ASTN2: variants seen among roughly 807,000 people sequenced by gnomAD.
The protein encoded by ASTN2 is astrotactin 2, also known as astrotactin-2.
A neutral mutation model predicts 139.8 loss-of-function variants in ASTN2; 54 were observed. The ratio of observed to expected loss-of-function variants is 0.39; its 90% CI spans 0.31 to 0.48. ASTN2 has a LOEUF of 0.48. Among genes scored for constraint, ASTN2 ranks in the 20% least tolerant of loss-of-function variants. ASTN2 has a pLI of 0.95. For missense variants in ASTN2, 1,565 were observed against 1,725.1 expected, an observed-to-expected ratio of 0.91 and a Z score of 1.64; for synonymous variants, 756 against 719.5, an observed-to-expected ratio of 1.05 and a Z score of -0.81.
chr9:116,426,201 T>C, intron 22 of ASTN2, 113 bp from the exon 23 acceptor site: 3 of 1,346,754 alleles, frequency 2.2e-6, no homozygotes, highest in Non-Finnish European at 3.1e-6. Flanking sequence ...ATTTCCTATC[T>C]ACTCCAGATT....
chr9:117,054,596 G>A (rs973063307), intron 5 of ASTN2, among the ~76,000 whole-genome samples: 3 of 152,218 alleles, frequency 2.0e-5, no homozygotes, highest in Non-Finnish European at 4.4e-5. Context: ...CTTGTAATGT[G>A]TGTAAGAGTT....
At chr9:117,335,112 A>C (rs766228818) in intron 1 of ASTN2, among the ~76,000 whole-genome samples, 19 of 152,108 alleles carry the variant, frequency 1.2e-4, no homozygotes, top group Non-Finnish European at 2.6e-4. Flanking sequence ...TTGCACCCCC[A>C]GGGGCTCACT....
intron 6 of ASTN2, among the ~76,000 whole-genome samples, chr9:117,009,187 T>A (rs887862891): frequency 6.6e-6 from 1 of 152,168 alleles, no homozygotes; most frequent in African/African-American, 2.4e-5. Context: ...AATATTAACA[T>A]TTTTATTATT....
intron 19 of ASTN2, among the ~76,000 whole-genome samples, chr9:116,572,879 A>G (rs2131693192): frequency 6.6e-6 from 1 of 152,248 alleles, no homozygotes; most frequent in African/African-American, 2.4e-5. Context: ...CACTCTTGTG[A>G]GAAGAAAGGG....
At chr9:116,515,927 C>T (rs1777338812) in intron 19 of ASTN2, among the ~76,000 whole-genome samples, 1 of 152,158 alleles carries the variant, frequency 6.6e-6, no homozygotes, top group Non-Finnish European at 1.5e-5. Context: ...TATGGGAACA[C>T]ACCACTAGAG....
intron 6 of ASTN2, among the ~76,000 whole-genome samples, chr9:117,024,134 C>T (rs1837980799): frequency 6.6e-6 from 1 of 152,160 alleles, no homozygotes; most frequent in Admixed American, 6.5e-5. Flanking sequence ...CCAAGCCCAA[C>T]TTACCCTTTT....
At chr9:117,004,836 G>A (rs1337332030) in intron 7 of ASTN2, among the ~76,000 whole-genome samples, 1 of 152,192 alleles carries the variant, frequency 6.6e-6, no homozygotes, top group East Asian at 1.9e-4. Flanking sequence ...GGCTTCACTT[G>A]TAACTTGCTT....
intron 22 of ASTN2, among the ~76,000 whole-genome samples, chr9:116,439,194 ATTTTTTTTTTTT>A (rs1016270368): frequency 7.1e-5 from 4 of 56,690 alleles, no homozygotes; most frequent in Admixed American, 5.9e-4. Flanking sequence ...ATTCAAATAC[ATTTTTTTTTTTT>A]TTTTTTTTTT....
chr9:117,270,339 C>T (rs1834034561), intron 2 of ASTN2, among the ~76,000 whole-genome samples: 1 of 152,164 alleles, frequency 6.6e-6, no homozygotes, highest in South Asian at 2.1e-4. Flanking sequence ...AATAGCTGCT[C>T]ATTTCTCCCT....
chr9:116,817,322 G>A (rs1036213657), intron 12 of ASTN2, among the ~76,000 whole-genome samples: 9 of 36,942 alleles, frequency 2.4e-4, no homozygotes, highest in African/African-American at 9.9e-4. Flanking sequence ...AAGAAAGAAT[G>A]GGTATTAATT....
chr9:116,710,507 GA>G (rs35596585), intron 16 of ASTN2, among the ~76,000 whole-genome samples: 53,158 of 150,982 alleles, frequency 0.35, 10,536 homozygotes, highest in African/African-American at 0.53. Flanking sequence ...AAGGAGGGGG[GA>G]ATCACCTGAG....
At chr9:116,868,544 G>C (rs531891732) in intron 10 of ASTN2, among the ~76,000 whole-genome samples, 1 of 152,174 alleles carries the variant, frequency 6.6e-6, no homozygotes, top group Non-Finnish European at 1.5e-5. Flanking sequence ...CTGATTCCTG[G>C]GCCATGCATG....
chr9:116,460,404 T>A (rs752411517), intron 20 of ASTN2, among the ~76,000 whole-genome samples: 2 of 152,188 alleles, frequency 1.3e-5, no homozygotes, highest in Non-Finnish European at 2.9e-5. Flanking sequence ...TTTCATGGTA[T>A]GTGAATTATA....
chr9:116,666,260 T>C (rs1011877529), intron 16 of ASTN2, among the ~76,000 whole-genome samples: 2 of 152,214 alleles, frequency 1.3e-5, no homozygotes, highest in Non-Finnish European at 2.9e-5. Flanking sequence ...AAGATGTACA[T>C]GGCACTGCCT....
intron 5 of ASTN2, among the ~76,000 whole-genome samples, chr9:117,085,383 C>A (rs1484817281): frequency 6.6e-6 from 1 of 152,276 alleles, no homozygotes; most frequent in East Asian, 1.9e-4. Context: ...AAGTATTTTC[C>A]AGTTTCCATA....
chr9:117,344,210 A>G (rs1829147675), intron 1 of ASTN2, among the ~76,000 whole-genome samples: 1 of 152,110 alleles, frequency 6.6e-6, no homozygotes, highest in Admixed American at 6.5e-5. Flanking sequence ...CCCCAAAAGC[A>G]GCATTAACAG....
intron 19 of ASTN2, among the ~76,000 whole-genome samples, chr9:116,597,093 T>TAA (rs34886460): frequency 6.6e-6 from 1 of 151,572 alleles, no homozygotes; most frequent in Non-Finnish European, 1.5e-5. Context: ...GTTATATTTT[T>TAA]AAAAAATGTA....
chr9:116,633,995 G>A (rs927972139), intron 17 of ASTN2, among the ~76,000 whole-genome samples: 13 of 152,156 alleles, frequency 8.5e-5, no homozygotes, highest in Admixed American at 3.3e-4. Context: ...ACACGTGACG[G>A]AGGGATGGTA....
At chr9:116,986,382 C>T (rs10983446) in intron 7 of ASTN2, among the ~76,000 whole-genome samples, 1 of 151,998 alleles carries the variant, frequency 6.6e-6, no homozygotes, top group African/African-American at 2.4e-5. Flanking sequence ...AGAGATGAAT[C>T]CATCCTATTT....
Sources: gnomAD v4.1 joint callset for allele counts (sites outside exome capture counted in the v4.1 genomes callset) on GRCh38, gnomAD v4.1.1 for gene constraint, MANE v1.5 for transcripts, NCBI Gene and HGNC (gene_info 2026-07-23, HGNC 2026-07-21) for gene names.